Variants in TAF3 observed in about 807,000 individuals in gnomAD.
TAF3 encodes transcription initiation factor TFIID subunit 3.
In TAF3, 7 loss-of-function variants were observed where a neutral mutation model predicts 80.6. That is an observed-to-expected ratio of 0.09 (90% CI 0.05 to 0.16). The LOEUF is 0.16. Among genes scored for constraint, TAF3 ranks in the 10% least tolerant of loss-of-function variants. The probability of loss-of-function intolerance (pLI) is 1.00; values close to 1 mark genes in which losing one functional copy is unlikely to be tolerated. For missense variants in TAF3, 921 were observed against 1,140.2 expected (o/e 0.81, Z 2.77); for synonymous variants, 444 against 446.1 (o/e 1.00, Z 0.06).
Position 7,949,127 on chromosome 10 carries a change from A to G in TAF3, c.410-14793A>G, listed in dbSNP as rs191325187. ...ATGATCCTGTGAAGTAAGTGGGCTC[A>G]GCATTATTGTGTGAGTGTCTGTGCG... On this transcript the variant is annotated intron_variant, in intron 2 of 6. Transcript: ENST00000344293. Among the ~76,000 whole-genome samples the G allele has an allele frequency of 1.6e-4, 25 of 152,324 alleles. No individual in the cohort carries two copies. The East Asian group carries it at 4.6e-3, about 28-fold the overall frequency.
rs539353007 is a variant in TAF3, at chr10:8,011,102, CTG to C, written c.2568+1775_2568+1776del. ...AAGGTGTGTGGAGCCATTGCCATTG[CTG>C]TGACTACCAACTCTGCAGACTGTGA... On this transcript the variant is annotated intron_variant, in intron 5 of 6. Transcript: ENST00000344293. Among the ~76,000 whole-genome samples, 66 of 152,318 alleles carry C rather than the reference CTG, an allele frequency of 4.3e-4. No homozygotes were observed. The South Asian group carries it at 0.013, about 31-fold the overall frequency.
At position 8,016,337 on chromosome 10, in the gene TAF3, A is replaced by G. The variant is rs1444701423; in HGVS notation, c.*1586A>G. 1 of 152,222 alleles carries G rather than the reference A, an allele frequency of 6.6e-6. No individual in the cohort carries two copies. The highest frequency in any genetic ancestry group is 2.4e-5 in the African/African-American group (1 of 41,452). The allele number at this position is 152,222 out of a possible 1,614,324, so 9.4% of individuals were successfully genotyped here. A position where few individuals can be genotyped will look rare whatever the true frequency, so the allele number is the denominator to read the frequency against. Reference sequence around the variant, plus strand: ...TCATATTTTAAAACATTATGTGGTTAGAGAAATGCGGTTTTCTGCCATGAA... The same window carrying G: ...TCATATTTTAAAACATTATGTGGTTGGAGAAATGCGGTTTTCTGCCATGAA... On this transcript the variant is annotated 3_prime_UTR_variant, in exon 7 of 7. Coordinates refer to ENST00000344293, the MANE Select transcript of TAF3 (RefSeq NM_031923.4).
chr10:7,961,910 C>T lies in TAF3; in HGVS notation c.410-2010C>T, dbSNP rs555775693. ...TGTCGCCCAGGCTGGAGTGCAGTGGCGCAATCATGGCTCATTGCAGCCTCA... is the reference window on the plus strand; with the variant it reads ...TGTCGCCCAGGCTGGAGTGCAGTGGTGCAATCATGGCTCATTGCAGCCTCA... On this transcript the variant is annotated intron_variant, in intron 2 of 6. Transcript: ENST00000344293. Among the ~76,000 whole-genome samples, 142 of 151,904 alleles carry T rather than the reference C, an allele frequency of 9.3e-4. 1 individual carries two copies. The highest frequency in any genetic ancestry group is 9.1e-4 in the Non-Finnish European group (62 of 67,964).
At chr10:7,843,911 C>T (rs933872427) in intron 2 of TAF3, among the ~76,000 whole-genome samples, 3 of 152,014 alleles carry the variant, frequency 2.0e-5, no homozygotes, top group Admixed American at 6.6e-5. Context: ...AATAAGAAAA[C>T]GGACTGTTTT....
At chr10:7,906,411 C>T (rs1163720589) in intron 2 of TAF3, among the ~76,000 whole-genome samples, 1 of 152,134 alleles carries the variant, frequency 6.6e-6, no homozygotes, top group African/African-American at 2.4e-5. Context: ...GATTCTTATT[C>T]AAAGGAAAAA....
chr10:7,937,190 G>T (rs1439079928), intron 2 of TAF3, among the ~76,000 whole-genome samples: 1 of 152,110 alleles, frequency 6.6e-6, no homozygotes, highest in East Asian at 1.9e-4. Context: ...GTTCATTTGG[G>T]TAAATGCCAG....
chr10:7,898,814 G>T (rs998705543), intron 2 of TAF3, among the ~76,000 whole-genome samples: 3 of 149,476 alleles, frequency 2.0e-5, no homozygotes, highest in Non-Finnish European at 4.5e-5. Context: ...TTTTCTTTGA[G>T]TTTTTTTTTT....
intron 2 of TAF3, among the ~76,000 whole-genome samples, chr10:7,852,030 C>G (rs951534497): frequency 6.6e-6 from 1 of 152,100 alleles, no homozygotes; most frequent in Non-Finnish European, 1.5e-5. Context: ...ACGATCCTTC[C>G]ACCTCAGCAT....
intron 4 of TAF3, among the ~76,000 whole-genome samples, chr10:7,997,544 G>C (rs533634445): frequency 1.8e-4 from 28 of 152,288 alleles, no homozygotes; most frequent in African/African-American, 6.0e-4. Flanking sequence ...TTATGTCACT[G>C]GTTTGTGGTG....
chr10:7,952,613 C>T (rs1017112775), intron 2 of TAF3, among the ~76,000 whole-genome samples: 3 of 152,090 alleles, frequency 2.0e-5, no homozygotes, highest in African/African-American at 7.2e-5. Context: ...GGTTGGCTTG[C>T]TTATATAGCA....
At chr10:7,892,134 A>G (rs1344525510) in intron 2 of TAF3, among the ~76,000 whole-genome samples, 1 of 152,246 alleles carries the variant, frequency 6.6e-6, no homozygotes, top group Non-Finnish European at 1.5e-5. Flanking sequence ...CAAAATTCAG[A>G]TGCATATTAT....
chr10:8,007,150 A>T (rs1257418441), intron 4 of TAF3, among the ~76,000 whole-genome samples: 1 of 152,196 alleles, frequency 6.6e-6, no homozygotes, highest in African/African-American at 2.4e-5. Context: ...TACTTTCAGT[A>T]GGATGATGGA....
Position 7,964,566 on chromosome 10 carries a change from C to G in TAF3, c.1056C>G (p.Ile352Met). 1 of 1,614,000 alleles carries G rather than the reference C, an allele frequency of 6.2e-7. No individual in the cohort carries two copies. The highest frequency in any genetic ancestry group is 8.5e-7 in the Non-Finnish European group (1 of 1,179,980). Residue 352 changes from isoleucine (I) to methionine (M), a missense_variant, in exon 3 of 7, where the codon ATC (isoleucine) becomes ATG (methionine). By Grantham distance (10) the Ile-to-Met change is conservative. Around this residue, in one of 6 missense-constraint regions of TAF3, gnomAD observed 743 missense variants for 821.0 expected, o/e 0.90. Transcript: ENST00000344293. The surrounding 1 kb of genome is among the most constrained non-coding windows in gnomAD (Gnocchi z 4.1). ...CTTCAGCTACACTCAGTGAAAAAAT[C>G]AGTAAAGAGACTATCCAGGTAAAAC... ...RTPSATLSEK[I>M]SKETIQVKQI...
chr10:7,914,953 T>C (rs1837694997), intron 2 of TAF3, among the ~76,000 whole-genome samples: 2 of 125,338 alleles, frequency 1.6e-5, no homozygotes, highest in Non-Finnish European at 3.4e-5. Flanking sequence ...TTTTTTTTTT[T>C]TTTTTGAGAC....
intron 2 of TAF3, among the ~76,000 whole-genome samples, chr10:7,884,036 C>T (rs1441786061): frequency 2.6e-5 from 4 of 152,174 alleles, no homozygotes; most frequent in African/African-American, 4.8e-5. Flanking sequence ...GATAACCCAT[C>T]CATCTGTGAG....
chr10:7,973,487 A>G (rs1831640153), intron 3 of TAF3, among the ~76,000 whole-genome samples: 1 of 152,228 alleles, frequency 6.6e-6, no homozygotes, highest in Non-Finnish European at 1.5e-5. Flanking sequence ...AAAAGACTGC[A>G]TTCCGTCTCA....
At chr10:7,952,877 T>C (rs1838096409) in intron 2 of TAF3, among the ~76,000 whole-genome samples, 1 of 152,232 alleles carries the variant, frequency 6.6e-6, no homozygotes, top group South Asian at 2.1e-4. Context: ...GTCTAATTTC[T>C]GTTACATTAT....
chr10:7,974,726 G>C (rs573913721), intron 3 of TAF3, among the ~76,000 whole-genome samples: 9 of 152,278 alleles, frequency 5.9e-5, no homozygotes, highest in Admixed American at 2.6e-4. Context: ...GAAATTGTTA[G>C]CTAGAGGTTG....
chr10:7,990,983 G>A (rs974901800), intron 4 of TAF3, among the ~76,000 whole-genome samples: 10 of 152,344 alleles, frequency 6.6e-5, no homozygotes, highest in Middle Eastern at 3.4e-3. Context: ...GGGACCCAAA[G>A]CAGCTCTCAG....
Sources: allele counts gnomAD v4.1 joint callset (sites outside exome capture counted in the v4.1 genomes callset), GRCh38; gene constraint gnomAD v4.1.1; regional missense constraint gnomAD v4.1.1; non-coding constraint Gnocchi (gnomAD v3.1); transcripts MANE v1.5; gene names NCBI Gene and HGNC (gene_info 2026-07-23, HGNC 2026-07-21).